DCDC2C: variants seen among roughly 807,000 people sequenced by gnomAD.
The protein encoded by DCDC2C is doublecortin domain-containing protein 2C.
In DCDC2C, 44 loss-of-function variants were observed where a neutral mutation model predicts 45.0. That is an observed-to-expected ratio of 0.98 (90% CI 0.77 to 1.26). The LOEUF (loss-of-function observed/expected upper bound fraction) is 1.26. DCDC2C is among the 50% of genes most tolerant of loss of function. The pLI is 0.00. For synonymous variants in DCDC2C, 187 were observed against 178.8 expected, an observed-to-expected ratio of 1.05 and a Z score of -0.37; for missense variants, 447 against 468.9, an observed-to-expected ratio of 0.95 and a Z score of 0.43.
In DCDC2C at chr2:3,771,568, C is replaced by T. The variant is rs188984111; in HGVS notation, c.954+2157C>T. On this transcript the variant is annotated intron_variant, in intron 8 of 10. Transcript: ENST00000399143. ...TTGGTTAATTCTGTTTATTTCCCCA[C>T]GAACCTTTTCTTGCTAGGACTCTTC... Among the ~76,000 whole-genome samples, 955 of 152,368 alleles carry T rather than the reference C, an allele frequency of 6.3e-3. 4 individuals are homozygous for T. Among genetic ancestry groups the T allele is most frequent in the Non-Finnish European group, 9.8e-3 (664 of 68,044 alleles).
chr2:3,799,701 C>T (rs545508261), intron 10 of DCDC2C, among the ~76,000 whole-genome samples: 13 of 152,384 alleles, frequency 8.5e-5, no homozygotes, highest in Non-Finnish European at 4.4e-5. Context: ...GTCAGGGACC[C>T]ACTTGAGGAG....
chr2:3,826,627 T>G (rs1671823299), intron 10 of DCDC2C, among the ~76,000 whole-genome samples: 1 of 152,136 alleles, frequency 6.6e-6, no homozygotes, highest in Non-Finnish European at 1.5e-5. Context: ...TGGCACTCGC[T>G]GACAGGCTGC....
intron 10 of DCDC2C, among the ~76,000 whole-genome samples, chr2:3,790,775 TG>T (rs1159095349): frequency 3.3e-5 from 5 of 152,044 alleles, no homozygotes; most frequent in Non-Finnish European, 7.4e-5. Context: ...TGCTAAGTGG[TG>T]TCGTGGTGAA....
chr2:3,842,107 G>A (rs147117329), intron 10 of DCDC2C, among the ~76,000 whole-genome samples: 1 of 152,306 alleles, frequency 6.6e-6, no homozygotes, highest in Non-Finnish European at 1.5e-5. Flanking sequence ...TTTAAAAATA[G>A]ACAATATGGA....
At chr2:3,832,944 G>A (rs1373945790) in intron 10 of DCDC2C, among the ~76,000 whole-genome samples, 1 of 152,194 alleles carries the variant, frequency 6.6e-6, no homozygotes, top group African/African-American at 2.4e-5. Flanking sequence ...CAGTTCTGTA[G>A]GTCAGAAATT....
intron 4 of DCDC2C, among the ~76,000 whole-genome samples, chr2:3,744,172 C>T (rs1029494962): frequency 3.9e-5 from 6 of 152,122 alleles, no homozygotes; most frequent in Admixed American, 6.5e-5. Context: ...CATGTGTTCT[C>T]GGGCACTCAG....
chr2:3,722,952 C>T (rs1668538134), intron 2 of DCDC2C, among the ~76,000 whole-genome samples: 1 of 152,026 alleles, frequency 6.6e-6, no homozygotes, highest in African/African-American at 2.4e-5. Flanking sequence ...ATTGTTGGTA[C>T]CCATGGCATT....
rs1342606794 is a variant in DCDC2C, at chr2:3,818,820, G to A, written c.1066-28334G>A. On this transcript the variant is annotated intron_variant, in intron 10 of 10. Transcript: ENST00000399143. The surrounding 1 kb of genome is among the most constrained non-coding windows in gnomAD (Gnocchi z 4.7). ...AACTGGGGAAAAGGGTGGCAATGAG[G>A]TGTGGCTGTAGCCCAGGAATAGTCA... Among the ~76,000 whole-genome samples, 1 of 152,082 alleles carries A rather than the reference G, an allele frequency of 6.6e-6. No homozygotes were observed. The highest frequency in any genetic ancestry group is 2.4e-5 in the African/African-American group (1 of 41,370).
At chr2:3,798,575 A>G (rs1376354806) in intron 10 of DCDC2C, among the ~76,000 whole-genome samples, 1 of 149,118 alleles carries the variant, frequency 6.7e-6, no homozygotes, top group East Asian at 2.0e-4. Flanking sequence ...GGTGGTGACA[A>G]AATCTCTCAG....
chr2:3,843,903 T>G (rs9808244), intron 10 of DCDC2C, among the ~76,000 whole-genome samples: 1 of 152,054 alleles, frequency 6.6e-6, no homozygotes, highest in African/African-American at 2.4e-5. Flanking sequence ...AAAAACACAT[T>G]GCACTTGTAA....
chr2:3,831,811 G>A lies in DCDC2C; in HGVS notation c.1066-15343G>A, dbSNP rs183236529. On this transcript the variant is annotated intron_variant, in intron 10 of 10. Transcript: ENST00000399143. ...GGCAGAGCGCTCCGCCTCTCTGAAT[G>A]TTATTTCCCTCATCTACAAAAGGAA... 7.9e-5 allele frequency among the ~76,000 whole-genome samples: 12 copies of A among 152,310 alleles called. No homozygotes were observed. In the East Asian group the frequency reaches 2.1e-3, roughly 27 times the overall value.
chr2:3,704,178 G>T, intron 1 of DCDC2C, 140 bp downstream of exon 1: 1 of 840,430 alleles, frequency 1.2e-6, no homozygotes, highest in Non-Finnish European at 1.6e-6. Flanking sequence ...CGTGGATCCA[G>T]CGCAGCCGGC....
intron 10 of DCDC2C, among the ~76,000 whole-genome samples, chr2:3,834,533 G>T (rs1672029519): frequency 6.6e-6 from 1 of 152,198 alleles, no homozygotes; most frequent in South Asian, 2.1e-4. Flanking sequence ...TATTGTCTTT[G>T]CCTGCTCAGG....
intron 10 of DCDC2C, among the ~76,000 whole-genome samples, chr2:3,823,585 C>T (rs1671743952): frequency 6.6e-6 from 1 of 152,078 alleles, no homozygotes; most frequent in African/African-American, 2.4e-5. Flanking sequence ...TATTTCTTTT[C>T]TCAACTCAGT....
rs562029457 is a variant in DCDC2C, at chr2:3,800,588, C to G, written c.1065+15488C>G. Reference sequence around the variant, plus strand: ...TGAAACAAGTGTCTAGTTCAGCTTGCAATGTGCACAATCACATAAGTGCTT... The same window carrying G: ...TGAAACAAGTGTCTAGTTCAGCTTGGAATGTGCACAATCACATAAGTGCTT... On this transcript the variant is annotated intron_variant, in intron 10 of 10. Transcript: ENST00000399143. 3.3e-5 allele frequency among the ~76,000 whole-genome samples: 5 copies of G among 152,130 alleles called. No individual in the cohort carries two copies. In the South Asian group the frequency reaches 1.0e-3, roughly 32 times the overall value.
intron 10 of DCDC2C, among the ~76,000 whole-genome samples, chr2:3,814,075 G>T (rs1017315698): frequency 6.6e-6 from 1 of 152,002 alleles, no homozygotes; most frequent in Non-Finnish European, 1.5e-5. Flanking sequence ...CATATTTAGT[G>T]ATTCCTTCAG....
chr2:3,745,891 T>A (rs1223333703), intron 4 of DCDC2C, among the ~76,000 whole-genome samples: 5 of 152,082 alleles, frequency 3.3e-5, no homozygotes, highest in Non-Finnish European at 7.4e-5. Context: ...TTTTTTTTTT[T>A]TGGTAGAGAT....
chr2:3,751,906 G>A lies in DCDC2C; in HGVS notation c.546-857G>A, dbSNP rs184933128. ...AAATTAATGATAAATGCTCCTCCCC[G>A]GAATTCAAGGCCCTTTGGAAACTGC... On this transcript the variant is annotated intron_variant, in intron 4 of 10. Coordinates refer to ENST00000399143, the MANE Select transcript of DCDC2C (RefSeq NM_001287444.2). 3.9e-5 allele frequency among the ~76,000 whole-genome samples: 6 copies of A among 152,256 alleles called. No individual in the cohort carries two copies. The South Asian group carries it at 1.0e-3, about 26-fold the overall frequency.
chr2:3,840,420 C>T lies in DCDC2C; in HGVS notation c.1066-6734C>T, dbSNP rs13403586. 8.6e-3 allele frequency among the ~76,000 whole-genome samples: 1,309 copies of T among 152,280 alleles called. 14 individuals carry two copies. Among genetic ancestry groups the T allele is most frequent in the African/African-American group, 0.03 (1,230 of 41,564 alleles). On this transcript the variant is annotated intron_variant, in intron 10 of 10. Transcript: ENST00000399143. The stretch of plus-strand genomic sequence containing the variant: ...CCTAATTCAAGTAAAATATGCTTTT[C>T]GGCGGGGGTTGGGGGAAGAAAAATA...
Sources: allele counts gnomAD v4.1 joint callset (sites outside exome capture counted in the v4.1 genomes callset), GRCh38; gene constraint gnomAD v4.1.1; non-coding constraint Gnocchi (gnomAD v3.1); transcripts MANE v1.5; gene names NCBI Gene and HGNC (gene_info 2026-07-23, HGNC 2026-07-21).